The following SLC17A1 variants were observed in gnomAD, a reference collection of about 807,000 sequenced individuals.
SLC17A1 encodes solute carrier family 17 member 1, also known as sodium-dependent phosphate transport protein 1.
In SLC17A1, 51 loss-of-function variants were observed where a neutral mutation model predicts 53.5. The observed-to-expected ratio is 0.95, with a 90% CI of 0.76 to 1.20. The LOEUF is 1.20. Ranked by LOEUF, SLC17A1 falls within the 50% of genes most tolerant of loss-of-function variation. The pLI, the probability that SLC17A1 is intolerant of heterozygous loss-of-function variation, is 0.00. For missense variants in SLC17A1, 538 were observed against 568.2 expected (o/e 0.95, Z 0.54); for synonymous variants, 179 against 198.8 (o/e 0.90, Z 0.84).
chr6:25,819,736 A>C lies in SLC17A1; in HGVS notation c.387T>G (p.Ala129=), dbSNP rs1764485269. Residue 129 remains alanine (A), a synonymous_variant, in exon 4 of 13, where the codon GCT becomes GCG. Transcript: ENST00000244527. Reference sequence around the variant, plus strand: ...CAACGACCCAAGCTACTCCAATTCCAGCTGCTGGTGGGATGAGCAGGCTTA... The same window carrying C: ...CAACGACCCAAGCTACTCCAATTCCCGCTGCTGGTGGGATGAGCAGGCTTA... ...SVLSLLIPPA[A]GIGVAWVVVC... 5.6e-6 allele frequency: 9 copies of C among 1,614,196 alleles called. No individual in the cohort carries two copies. The highest frequency in any genetic ancestry group is 7.6e-6 in the Non-Finnish European group (9 of 1,180,030).
chr6:25,768,361 GT>G, the SLC17A1 span: 1 of 985,554 alleles, frequency 1.0e-6, no homozygotes, highest in African/African-American at 1.7e-5. Flanking sequence ...TCTTCCCGCT[GT>G]TGTCAAACTA....
At chr6:25,782,133 C>T (rs1763280666), downstream of SLC17A1, among the ~76,000 whole-genome samples, 1 of 152,150 alleles carries the variant, frequency 6.6e-6, no homozygotes, top group Non-Finnish European at 1.5e-5. Flanking sequence ...CCTGACAGCC[C>T]AAGATGGTGT....
intron 2 of SLC17A1, 100 bp from the exon 3 acceptor site, chr6:25,826,733 T>A: frequency 2.7e-6 from 2 of 730,062 alleles, no homozygotes; most frequent in Non-Finnish European, 4.0e-6. Context: ...CCCTAGATAT[T>A]AATTTAAAAT....
At chr6:25,823,823 G>T (rs1199136911) in intron 3 of SLC17A1, among the ~76,000 whole-genome samples, 1 of 151,776 alleles carries the variant, frequency 6.6e-6, no homozygotes, top group Non-Finnish European at 1.5e-5. Context: ...AAAATCAGTT[G>T]TTCATATGTG....
chr6:25,773,394 G>A, the SLC17A1 span: 1 of 1,613,304 alleles, frequency 6.2e-7, no homozygotes, highest in Admixed American at 1.7e-5. Context: ...GGCTCAGCAG[G>A]TACATTGAGG....
intron 12 of SLC17A1, among the ~76,000 whole-genome samples, chr6:25,789,008 T>C (rs1177487065): frequency 1.3e-5 from 2 of 152,210 alleles, no homozygotes; most frequent in Non-Finnish European, 2.9e-5. Flanking sequence ...GATAGATATG[T>C]ATGTATACAC....
chr6:25,773,425 A>C, the SLC17A1 span: 1 of 1,612,306 alleles, frequency 6.2e-7, no homozygotes, highest in African/African-American at 1.3e-5. Flanking sequence ...ACATTTCTCT[A>C]TGTCCCTCTA....
chr6:25,731,944 T>C, the SLC17A1 span: 9 of 1,600,108 alleles, frequency 5.6e-6, no homozygotes, highest in Non-Finnish European at 6.8e-6. Context: ...TCACAGGCAA[T>C]GCGCTCAAAA....
At chr6:25,799,138 T>C (rs974356928) in intron 11 of SLC17A1, among the ~76,000 whole-genome samples, 5 of 152,186 alleles carry the variant, frequency 3.3e-5, no homozygotes, top group African/African-American at 9.6e-5. Context: ...TTTCATCAGA[T>C]ATTAAGTTTA....
chr6:25,826,721 A>G (rs2151507984), intron 2 of SLC17A1, 88 bp from the exon 3 acceptor site: 1 of 868,978 alleles, frequency 1.2e-6, no homozygotes, highest in Admixed American at 3.8e-5. Context: ...AGAAATTTGG[A>G]GCCCTAGATA....
At chr6:25,726,809 T>G in the SLC17A1 span, 2 of 1,387,810 alleles carry the variant, frequency 1.4e-6, no homozygotes, top group Non-Finnish European at 2.0e-6. Context: ...GGAGCTGAGG[T>G]CATTTGGAGC....
the SLC17A1 span, chr6:25,771,064 C>A: frequency 4.3e-6 from 6 of 1,410,768 alleles, no homozygotes; most frequent in Non-Finnish European, 6.0e-6. Flanking sequence ...TTCTGTGATG[C>A]AATTTATCTA....
At chr6:25,743,916 T>C in the SLC17A1 span, among the ~76,000 whole-genome samples, 1 of 152,142 alleles carries the variant, frequency 6.6e-6, no homozygotes, top group East Asian at 1.9e-4. Context: ...TGGTTCTGAC[T>C]GGAGGGAGAA....
chr6:25,780,994 T>C (rs990566939), downstream of SLC17A1: 3 of 152,142 alleles, frequency 2.0e-5, no homozygotes, highest in East Asian at 5.8e-4. Flanking sequence ...CACATGACTC[T>C]GGATTTCTCT....
At chr6:25,830,788 G>C (rs72542430) in intron 1 of SLC17A1, among the ~76,000 whole-genome samples, 181 bp from the exon 2 acceptor site, 6 of 152,196 alleles carry the variant, frequency 3.9e-5, no homozygotes, top group African/African-American at 1.4e-4. Context: ...GATTGTTTTG[G>C]TTGATTAAAA....
intron 12 of SLC17A1, among the ~76,000 whole-genome samples, chr6:25,786,177 A>G (rs1161020869): frequency 6.6e-6 from 1 of 152,264 alleles, no homozygotes; most frequent in African/African-American, 2.4e-5. Context: ...GTGCTACGAC[A>G]TGAGTGAACT....
chr6:25,744,162 G>A, the SLC17A1 span, among the ~76,000 whole-genome samples: 10 of 152,200 alleles, frequency 6.6e-5, no homozygotes, highest in Non-Finnish European at 1.3e-4. Context: ...CTTAAGGTCA[G>A]TTGACACAAA....
chr6:25,773,465 G>C, the SLC17A1 span: 2 of 1,612,878 alleles, frequency 1.2e-6, no homozygotes, highest in Admixed American at 1.7e-5. Flanking sequence ...ATGTGATAGA[G>C]AGAGCTGCCT....
At chr6:25,784,497 C>A (rs564560426) in intron 12 of SLC17A1, among the ~76,000 whole-genome samples, 138 of 152,158 alleles carry the variant, frequency 9.1e-4, no homozygotes, top group Admixed American at 5.4e-3. Context: ...TGGGAGGTAC[C>A]ACACACTGTT....
Sources: gnomAD v4.1 joint callset for allele counts (sites outside exome capture counted in the v4.1 genomes callset) on GRCh38, gnomAD v4.1.1 for gene constraint, MANE v1.5 for transcripts, NCBI Gene and HGNC (gene_info 2026-07-23, HGNC 2026-07-21) for gene names.